The following SETD2 variants were observed in gnomAD, a reference collection of about 807,000 sequenced individuals.
SETD2 encodes SET domain containing 2, histone lysine methyltransferase.
Under a neutral mutation model 242.1 loss-of-function variants are expected in SETD2, and 31 were observed. That is an observed-to-expected ratio of 0.13 (90% CI 0.10 to 0.17). The LOEUF (loss-of-function observed/expected upper bound fraction) is 0.17. Among genes scored for constraint, SETD2 ranks in the 10% least tolerant of loss-of-function variants. The pLI, the probability that SETD2 is intolerant of heterozygous loss-of-function variation, is 1.00. For synonymous variants in SETD2, 1,006 were observed against 1,066.5 expected, an observed-to-expected ratio of 0.94 and a Z score of 1.11; for missense variants, 2,481 against 3,046.3, an observed-to-expected ratio of 0.81 and a Z score of 4.37.
At chr3:47,081,832 A>G (rs1280400822) in intron 12 of SETD2, among the ~76,000 whole-genome samples, 1 of 152,232 alleles carries the variant, frequency 6.6e-6, no homozygotes, top group Non-Finnish European at 1.5e-5. Context: ...ATGATTCCAG[A>G]GCAAACTAAA....
At chr3:47,132,937 G>T (rs1159258772) in intron 1 of SETD2, among the ~76,000 whole-genome samples, 4 of 152,074 alleles carry the variant, frequency 2.6e-5, no homozygotes. Context: ...CTTAAAACTT[G>T]TCAAAATAAT....
chr3:47,020,135 T>A (rs1163243136), intron 18 of SETD2, among the ~76,000 whole-genome samples: 2 of 152,048 alleles, frequency 1.3e-5, no homozygotes, highest in African/African-American at 4.8e-5. Flanking sequence ...CATGTCCCTG[T>A]TCTGGGTTCA....
intron 18 of SETD2, among the ~76,000 whole-genome samples, chr3:47,029,391 C>T (rs563256744): frequency 7.3e-5 from 11 of 151,384 alleles, no homozygotes; most frequent in Non-Finnish European, 1.3e-4. Context: ...CAGGGCTGCC[C>T]TGTCTTTATC....
At chr3:47,094,108 T>G (rs1172976006) in intron 9 of SETD2, among the ~76,000 whole-genome samples, 3 of 152,210 alleles carry the variant, frequency 2.0e-5, no homozygotes, top group Non-Finnish European at 4.4e-5. Context: ...GTTTTCACCC[T>G]CTTTATTACA....
rs1216708418 is a variant in SETD2 at position 47,105,635 on chromosome 3, A to C, written c.4839+362T>G. The C allele has an allele frequency of 2.3e-5, 10 of 439,508 alleles. No individual in the cohort carries two copies. In the East Asian group the frequency reaches 7.3e-4, roughly 32 times the overall value. The allele number at this position is 439,508 out of a possible 1,614,324, so 27.2% of individuals were successfully genotyped here. ...ATTTTTGTCGCTTAATATATTTTAGAAATCAGTCGGCAGGACACGGTGGCT... is the reference window on the plus strand; with the variant it reads ...ATTTTTGTCGCTTAATATATTTTAGCAATCAGTCGGCAGGACACGGTGGCT... On this transcript the variant is annotated intron_variant, in intron 6 of 20. Transcript: ENST00000409792.
chr3:47,065,084 TG>T (rs2040503562), intron 13 of SETD2, among the ~76,000 whole-genome samples: 1 of 152,152 alleles, frequency 6.6e-6, no homozygotes, highest in Admixed American at 6.6e-5. Context: ...TTTGCTTGTG[TG>T]CTACTAATAG....
chr3:47,111,273 T>C (rs571714791), intron 5 of SETD2, among the ~76,000 whole-genome samples: 1 of 152,136 alleles, frequency 6.6e-6, no homozygotes, highest in East Asian at 1.9e-4. Context: ...ATTATTTGTT[T>C]AAAATATTAT....
rs1006327323 is a variant in SETD2, at chr3:47,157,456, T to G, written c.71+6398A>C. ...TATCCTGACTGCTTTGTATCTCATT[T>G]GAACATGCTGAAATATTCTTTCCCA... is the stretch of plus-strand genomic sequence containing the variant. On this transcript the variant is annotated intron_variant, in intron 1 of 20. Coordinates refer to ENST00000409792, the MANE Select transcript of SETD2 (RefSeq NM_014159.7). 1.5e-5 allele frequency: 7 copies of G among 455,948 alleles called. 1 individual carries two copies. Among genetic ancestry groups the G allele is most frequent in the Admixed American group, 1.4e-4 (6 of 42,552 alleles). The allele number at this position is 455,948 out of a possible 1,614,324, so 28.2% of individuals were successfully genotyped here. A position where few individuals can be genotyped will look rare whatever the true frequency, so the allele number is the denominator to read the frequency against.
chr3:47,063,729 A>G (rs2040437885), intron 13 of SETD2, among the ~76,000 whole-genome samples: 1 of 152,156 alleles, frequency 6.6e-6, no homozygotes, highest in Admixed American at 6.5e-5. Context: ...TCACGCTTGT[A>G]ATCCCAGCAC....
intron 15 of SETD2, among the ~76,000 whole-genome samples, chr3:47,049,606 T>C (rs2039712303): frequency 6.8e-6 from 1 of 146,594 alleles, no homozygotes; most frequent in African/African-American, 2.5e-5. Context: ...TCTCCTGACC[T>C]TGTGATCCGC....
In SETD2 at chr3:47,067,083, T is replaced by C; in HGVS notation, c.6096A>G (p.Glu2032=). ...VYRIPKKSQT[E]KENTTTERGR... ...CTGAATACCTACTTGTGTTTTCCTT[T>C]TCAGTTTGACTTTTCTTTGGAATTC... The change falls in exon 13 of 21, where the codon GAA becomes GAG. Residue 2032 remains glutamate, a synonymous_variant. Coordinates refer to ENST00000409792, the MANE Select transcript of SETD2 (RefSeq NM_014159.7). 6.2e-7 allele frequency: 1 copy of C among 1,611,798 alleles called. No homozygotes were observed. Among genetic ancestry groups the C allele is most frequent in the Non-Finnish European group, 8.5e-7 (1 of 1,178,102 alleles).
At chr3:47,106,401 G>A (rs1371847616) in intron 5 of SETD2, among the ~76,000 whole-genome samples, 1 of 143,598 alleles carries the variant, frequency 7.0e-6, no homozygotes, top group African/African-American at 2.6e-5. Flanking sequence ...AATCATTCAA[G>A]TCTGGCTTAC....
At chr3:47,061,571 A>C (rs2040331983) in intron 14 of SETD2, among the ~76,000 whole-genome samples, 1 of 152,254 alleles carries the variant, frequency 6.6e-6, no homozygotes. Context: ...GGGAATGCAA[A>C]TAAAAATCAC....
chr3:47,071,597 C>A (rs2040821662), intron 12 of SETD2, among the ~76,000 whole-genome samples: 1 of 150,248 alleles, frequency 6.7e-6, no homozygotes, highest in South Asian at 2.1e-4. Context: ...CAGGCTAAAG[C>A]AAAAGATCAC....
At chr3:47,159,773 A>C (rs554338366) in intron 1 of SETD2, among the ~76,000 whole-genome samples, 2 of 152,132 alleles carry the variant, frequency 1.3e-5, no homozygotes, top group Non-Finnish European at 2.9e-5. Flanking sequence ...TCAGGAGTTC[A>C]AGACCAGCGT....
chr3:47,027,336 C>CAAA (rs145911577), intron 18 of SETD2, among the ~76,000 whole-genome samples: 10,663 of 101,020 alleles, frequency 0.11, 1,216 homozygotes, highest in Non-Finnish European at 0.14. Context: ...GACTCCATCT[C>CAAA]AAAAAAAAAA....
chr3:47,092,801 A>G (rs2041857574), intron 9 of SETD2, among the ~76,000 whole-genome samples: 1 of 152,280 alleles, frequency 6.6e-6, no homozygotes. Context: ...AGCAACACCC[A>G]TACAGCCACC....
chr3:47,122,275 T>A lies in SETD2; in HGVS notation c.2361A>T (p.Lys787Asn), dbSNP rs2106674017. The change falls in exon 3 of 21, where the codon AAA (lysine) becomes AAT (asparagine). Residue 787 changes from lysine to asparagine, a missense_variant. Physicochemically the swap from Lys to Asn is moderately conservative, Grantham distance 94. Transcript: ENST00000409792. ...TACAGTATATGTCTGAATCTTTGGT[T>A]TTGCAGCAAGAAACCCTCGTATCAA... is the stretch of plus-strand genomic sequence containing the variant. ...EPVDTRVSCC[K>N]TKDSDIYCTL... The A allele has an allele frequency of 6.2e-7, 1 of 1,614,150 alleles. No homozygotes were observed. The highest frequency in any genetic ancestry group is 2.2e-5 in the East Asian group (1 of 44,872).
chr3:47,125,326 T>A (rs12493619), intron 2 of SETD2, among the ~76,000 whole-genome samples: 3 of 94,702 alleles, frequency 3.2e-5, no homozygotes, highest in Admixed American at 1.1e-4. Context: ...CTCAAAAAAA[T>A]AAAAAATTTA....
Sources: allele counts gnomAD v4.1 joint callset (sites outside exome capture counted in the v4.1 genomes callset), GRCh38; gene constraint gnomAD v4.1.1; transcripts MANE v1.5; gene names NCBI Gene and HGNC (gene_info 2026-07-23, HGNC 2026-07-21).